Variants in TRPC4 observed in about 807,000 individuals in gnomAD.
The protein encoded by TRPC4 is short transient receptor potential channel 4.
Under a neutral mutation model 99.4 loss-of-function variants are expected in TRPC4, and 49 were observed. The ratio of observed to expected loss-of-function variants is 0.49; its 90% confidence interval spans 0.39 to 0.63. The LOEUF (loss-of-function observed/expected upper bound fraction) is 0.63, where lower values mean the gene tolerates loss of function less well. TRPC4 is among the 20% of genes least tolerant of loss of function. The pLI is 0.00. For missense variants in TRPC4, 898 were observed against 1,152.9 expected, an observed-to-expected ratio of 0.78 and a Z score of 3.20; for synonymous variants, 454 against 425.9, an observed-to-expected ratio of 1.07 and a Z score of -0.81.
intron 3 of TRPC4, among the ~76,000 whole-genome samples, chr13:37,716,053 T>C (rs1424422275): frequency 6.6e-6 from 1 of 152,188 alleles, no homozygotes; most frequent in Admixed American, 6.6e-5. Flanking sequence ...TGTTAGAATG[T>C]AATATGTTGT....
At chr13:37,828,135 G>A (rs749827810) in intron 1 of TRPC4, among the ~76,000 whole-genome samples, 60 of 152,154 alleles carry the variant, frequency 3.9e-4, no homozygotes, top group Admixed American at 1.7e-3. Flanking sequence ...TTCGGCTGGC[G>A]CATGGTGCGA....
intron 5 of TRPC4, among the ~76,000 whole-genome samples, chr13:37,668,314 G>A (rs1424328965): frequency 1.3e-5 from 2 of 152,092 alleles, no homozygotes; most frequent in Non-Finnish European, 2.9e-5. Context: ...TAATAGAGAG[G>A]TACTTTTGGA....
chr13:37,639,251 AACTT>A lies in TRPC4; in HGVS notation c.2121+3_2121+6del, dbSNP rs1951638582. 6.2e-7 allele frequency: 1 copy of A among 1,613,546 alleles called. No homozygotes were observed. Among genetic ancestry groups the A allele is most frequent in the Admixed American group, 1.7e-5 (1 of 59,960 alleles). On this transcript the variant is annotated splice_donor_5th_base_variant and intron_variant, in intron 9 of 10. Coordinates refer to ENST00000379705, the MANE Select transcript of TRPC4 (RefSeq NM_016179.4). Reference sequence around the variant, plus strand: ...AAATTTCAAGACATAGTACAAGGACAACTTACTTGGTATTGGTGATGTCTTCTCA... The same window carrying A: ...AAATTTCAAGACATAGTACAAGGACAACTTGGTATTGGTGATGTCTTCTCA...
chr13:37,782,066 C>A (rs113558302), intron 2 of TRPC4, among the ~76,000 whole-genome samples: 129 of 152,152 alleles, frequency 8.5e-4, no homozygotes, highest in African/African-American at 3.0e-3. Context: ...TGAACCGCTG[C>A]AGAATCTGCA....
At chr13:37,790,486 C>T (rs957088603) in intron 1 of TRPC4, among the ~76,000 whole-genome samples, 1 of 152,170 alleles carries the variant, frequency 6.6e-6, no homozygotes. Flanking sequence ...CCAATAACCA[C>T]TATTTGCATA....
chr13:37,865,173 C>T (rs1311923628), intron 1 of TRPC4, among the ~76,000 whole-genome samples: 2 of 151,658 alleles, frequency 1.3e-5, no homozygotes, highest in South Asian at 2.1e-4. Context: ...TGAATGAGAG[C>T]TCCTCTCAAA....
At chr13:37,858,456 C>T (rs372657051) in intron 1 of TRPC4, among the ~76,000 whole-genome samples, 7 of 149,450 alleles carry the variant, frequency 4.7e-5, no homozygotes, top group Middle Eastern at 3.5e-3. Flanking sequence ...ATCAGTATAT[C>T]GAAGGGATAT....
chr13:37,714,782 C>G (rs1453766206), intron 3 of TRPC4, among the ~76,000 whole-genome samples: 2 of 99,046 alleles, frequency 2.0e-5, no homozygotes, highest in Non-Finnish European at 4.4e-5. Context: ...AGTTCAGATT[C>G]CCTCTGGCAT....
At chr13:37,692,549 GA>G (rs1265197314) in intron 3 of TRPC4, among the ~76,000 whole-genome samples, 1 of 152,186 alleles carries the variant, frequency 6.6e-6, no homozygotes, top group Non-Finnish European at 1.5e-5. Context: ...CATGCTTAGT[GA>G]GACATAACTG....
intron 2 of TRPC4, among the ~76,000 whole-genome samples, chr13:37,759,937 G>A (rs1314092213): frequency 6.6e-6 from 1 of 151,948 alleles, no homozygotes; most frequent in Non-Finnish European, 1.5e-5. Context: ...AAAGAGAAAA[G>A]TTTGAACAAA....
At chr13:37,814,688 A>G (rs1269240818) in intron 1 of TRPC4, among the ~76,000 whole-genome samples, 1 of 151,874 alleles carries the variant, frequency 6.6e-6, no homozygotes, top group Admixed American at 6.6e-5. Flanking sequence ...ATTATAGGAG[A>G]TCAAATAAAT....
chr13:37,638,844 A>T (rs946144028), intron 10 of TRPC4, among the ~76,000 whole-genome samples, 196 bp downstream of exon 10: 1 of 152,110 alleles, frequency 6.6e-6, no homozygotes, highest in African/African-American at 2.4e-5. Flanking sequence ...TTTGAAAACA[A>T]TTTATTTTGA....
intron 3 of TRPC4, among the ~76,000 whole-genome samples, chr13:37,701,855 T>C (rs1456019834): frequency 6.6e-6 from 1 of 152,200 alleles, no homozygotes; most frequent in Non-Finnish European, 1.5e-5. Context: ...TATCTCCATA[T>C]GGTATTGAGA....
chr13:37,852,684 G>A (rs1023814457), intron 1 of TRPC4, among the ~76,000 whole-genome samples: 4 of 152,118 alleles, frequency 2.6e-5, no homozygotes, highest in South Asian at 2.1e-4. Context: ...GTCCAGGCCC[G>A]GGCTCCTAGC....
At chr13:37,851,073 G>A (rs1593317559) in intron 1 of TRPC4, among the ~76,000 whole-genome samples, 1 of 152,274 alleles carries the variant, frequency 6.6e-6, no homozygotes, top group African/African-American at 2.4e-5. Context: ...TTATTATTCT[G>A]GACTCTGCAG....
rs563358499 is a variant in TRPC4, at chr13:37,683,464, C to T, written c.1234+8535G>A. 1.6e-4 allele frequency among the ~76,000 whole-genome samples: 25 copies of T among 152,138 alleles called. 1 individual carries two copies. The South Asian group carries it at 3.7e-3, about 23-fold the overall frequency. ...GGGATTTGTTAGGGTTCCAGGACCTCGTTAGGGATTGACTGCTGGTTACAG... is the reference window on the plus strand; with the variant it reads ...GGGATTTGTTAGGGTTCCAGGACCTTGTTAGGGATTGACTGCTGGTTACAG... On this transcript the variant is annotated intron_variant, in intron 4 of 10. Coordinates refer to ENST00000379705, the MANE Select transcript of TRPC4 (RefSeq NM_016179.4).
chr13:37,660,007 G>A (rs1238421485), intron 6 of TRPC4, among the ~76,000 whole-genome samples: 1 of 152,104 alleles, frequency 6.6e-6, no homozygotes, highest in Non-Finnish European at 1.5e-5. Flanking sequence ...TGTGCAACCC[G>A]AGGATAGAAA....
chr13:37,853,033 G>A (rs1190744960), intron 1 of TRPC4, among the ~76,000 whole-genome samples: 1 of 151,992 alleles, frequency 6.6e-6, no homozygotes, highest in Non-Finnish European at 1.5e-5. Flanking sequence ...AGAGCCTGGG[G>A]AATCTCACTG....
intron 4 of TRPC4, among the ~76,000 whole-genome samples, chr13:37,680,144 T>C (rs968637206): frequency 6.6e-6 from 1 of 152,212 alleles, no homozygotes; most frequent in Non-Finnish European, 1.5e-5. Flanking sequence ...CACAGAGTTA[T>C]GTGCTTCAGA....
Sources: allele counts gnomAD v4.1 joint callset (sites outside exome capture counted in the v4.1 genomes callset), GRCh38; gene constraint gnomAD v4.1.1; transcripts MANE v1.5; gene names NCBI Gene and HGNC (gene_info 2026-07-23, HGNC 2026-07-21).